PBX1: variants seen among roughly 807,000 people sequenced by gnomAD.
PBX1 encodes pre-B-cell leukemia transcription factor 1.
PBX1 carries 6 observed loss-of-function variants against 53.4 expected under a neutral mutation model. That is an observed-to-expected ratio of 0.11 (90% confidence interval 0.06 to 0.22). The LOEUF is 0.22. PBX1 is among the 10% of genes least tolerant of loss of function. PBX1 has a pLI of 1.00. For synonymous variants in PBX1, 204 were observed against 212.3 expected (o/e 0.96, Z 0.34); for missense variants, 251 against 551.4 (o/e 0.46, Z 5.46).
chr1:164,837,602 C>G (rs1671102004), intron 8 of PBX1, among the ~76,000 whole-genome samples: 2 of 152,114 alleles, frequency 1.3e-5, no homozygotes, highest in South Asian at 4.1e-4. Flanking sequence ...GCTGTGCAGG[C>G]AGAGGTTATT....
intron 2 of PBX1, among the ~76,000 whole-genome samples, chr1:164,624,643 A>G (rs1218084335): frequency 1.3e-5 from 2 of 152,242 alleles, no homozygotes; most frequent in Non-Finnish European, 2.9e-5. Flanking sequence ...TATACCTACT[A>G]AAATTCTTTG....
At chr1:164,728,267 T>C (rs554418249) in intron 2 of PBX1, among the ~76,000 whole-genome samples, 9 of 150,762 alleles carry the variant, frequency 6.0e-5, no homozygotes, top group African/African-American at 2.2e-4. Flanking sequence ...CAATGAGCCA[T>C]GATCGCGCCA....
chr1:164,811,044 A>T (rs1669584072), intron 5 of PBX1, among the ~76,000 whole-genome samples: 1 of 152,208 alleles, frequency 6.6e-6, no homozygotes. Flanking sequence ...AAGCTGTGGT[A>T]CATGTGGGAT....
chr1:164,775,194 G>A (rs1009439364), intron 2 of PBX1, among the ~76,000 whole-genome samples: 1 of 152,116 alleles, frequency 6.6e-6, no homozygotes, highest in Non-Finnish European at 1.5e-5. Context: ...ACTTTTCTCT[G>A]TTAACGGAAG....
intron 2 of PBX1, among the ~76,000 whole-genome samples, chr1:164,788,624 G>A (rs750735597): frequency 4.3e-4 from 66 of 151,788 alleles, no homozygotes; most frequent in Non-Finnish European, 8.2e-4. Flanking sequence ...GTTTTCCCTT[G>A]TTCATATTGT....
chr1:164,564,281 A>G (rs890292212), intron 2 of PBX1, among the ~76,000 whole-genome samples: 2 of 152,122 alleles, frequency 1.3e-5, no homozygotes, highest in African/African-American at 4.8e-5. Context: ...ATTTTTTACA[A>G]CAAGGAGTGT....
intron 2 of PBX1, among the ~76,000 whole-genome samples, chr1:164,587,751 CAG>C (rs1655050099): frequency 6.6e-6 from 1 of 152,208 alleles, no homozygotes; most frequent in African/African-American, 2.4e-5. Context: ...CACACAGACA[CAG>C]AGTTCTCACT....
chr1:164,696,720 G>C (rs1200881113), intron 2 of PBX1, among the ~76,000 whole-genome samples: 4 of 152,070 alleles, frequency 2.6e-5, no homozygotes, highest in Admixed American at 6.6e-5. Context: ...TTCACTGAAT[G>C]TTGTGATAAC....
At chr1:164,578,296 T>C (rs1654394856) in intron 2 of PBX1, among the ~76,000 whole-genome samples, 1 of 152,254 alleles carries the variant, frequency 6.6e-6, no homozygotes, top group Non-Finnish European at 1.5e-5. Flanking sequence ...TATTTTTGAA[T>C]GCCCTATGTT....
chr1:164,565,749 C>T (rs75444775), intron 2 of PBX1, among the ~76,000 whole-genome samples: 1 of 142,978 alleles, frequency 7.0e-6, no homozygotes, highest in Non-Finnish European at 1.5e-5. Flanking sequence ...GTTGCAGGAG[C>T]TTTTTTTTTT....
chr1:164,820,947 C>T (rs1571470327), intron 7 of PBX1, among the ~76,000 whole-genome samples: 1 of 152,184 alleles, frequency 6.6e-6, no homozygotes, highest in Non-Finnish European at 1.5e-5. Flanking sequence ...AAGCCCGGAA[C>T]AGACCAACTG....
chr1:164,590,847 T>TTTTG (rs936433379), intron 2 of PBX1, among the ~76,000 whole-genome samples: 33 of 151,938 alleles, frequency 2.2e-4, no homozygotes, highest in African/African-American at 7.7e-4. Context: ...TTATTGAGGT[T>TTTTG]TTTGTTTGTT....
At chr1:164,564,286 G>T (rs1186510966) in intron 2 of PBX1, among the ~76,000 whole-genome samples, 1 of 152,006 alleles carries the variant, frequency 6.6e-6, no homozygotes, top group African/African-American at 2.4e-5. Flanking sequence ...TTACAACAAG[G>T]AGTGTAACAG....
intron 2 of PBX1, among the ~76,000 whole-genome samples, chr1:164,704,838 T>C (rs1449804699): frequency 1.3e-5 from 2 of 152,356 alleles, no homozygotes; most frequent in Middle Eastern, 3.4e-3. Context: ...GTGGGTATAA[T>C]GCAAGTACAA....
intron 2 of PBX1, among the ~76,000 whole-genome samples, chr1:164,650,229 C>CT (rs1401791742): frequency 0.045 from 5,857 of 129,692 alleles, 148 homozygotes; most frequent in Non-Finnish European, 0.051. Context: ...TTCTTTGCTA[C>CT]TTTTTTTTTT....
At chr1:164,866,149 T>G (rs929199391) in intron 2 of PBX1, among the ~76,000 whole-genome samples, 2 of 152,232 alleles carry the variant, frequency 1.3e-5, no homozygotes, top group African/African-American at 4.8e-5. Flanking sequence ...TTAAAACCAA[T>G]AAAGCCAAAA....
In PBX1 at chr1:164,656,404, C is replaced by T. The variant is rs576745055; in HGVS notation, c.265+93093C>T. On this transcript the variant is annotated intron_variant, in intron 2 of 8. Coordinates refer to ENST00000420696, the MANE Select transcript of PBX1 (RefSeq NM_002585.4). ...GAAATTTTTTGTCTTAATTTGTTTG[C>T]CTGTACAATCTGCATTCTTCTTATT... 2.0e-5 allele frequency among the ~76,000 whole-genome samples: 3 copies of T among 152,208 alleles called. No homozygotes were observed. The South Asian group carries it at 6.2e-4, about 32-fold the overall frequency.
At chr1:164,807,276 G>T (rs1669405828) in intron 4 of PBX1, among the ~76,000 whole-genome samples, 1 of 151,994 alleles carries the variant, frequency 6.6e-6, no homozygotes, top group African/African-American at 2.4e-5. Context: ...AACCAAGATG[G>T]CCCGAATTTT....
intron 2 of PBX1, among the ~76,000 whole-genome samples, chr1:164,788,405 C>T (rs1219962065): frequency 4.0e-5 from 6 of 149,062 alleles, no homozygotes; most frequent in East Asian, 2.0e-4. Context: ...TTTTTTTAAC[C>T]GCCGAGCTGA....
Sources: gnomAD v4.1 joint callset for allele counts (sites outside exome capture counted in the v4.1 genomes callset) on GRCh38, gnomAD v4.1.1 for gene constraint, MANE v1.5 for transcripts, NCBI Gene and HGNC (gene_info 2026-07-23, HGNC 2026-07-21) for gene names.